The following MACROD2 variants were observed in gnomAD, a reference collection of about 807,000 sequenced individuals.
MACROD2 encodes mono-ADP ribosylhydrolase 2.
MACROD2 carries 36 observed loss-of-function variants against 70.4 expected under a neutral mutation model. That is an observed-to-expected ratio of 0.51 (90% CI 0.39 to 0.68). The LOEUF (loss-of-function observed/expected upper bound fraction) is 0.68. Among genes scored for constraint, MACROD2 ranks in the 30% least tolerant of loss-of-function variants. The pLI, the probability that MACROD2 is intolerant of heterozygous loss-of-function variation, is 0.00. For missense variants in MACROD2, 496 were observed against 538.4 expected (o/e 0.92, Z 0.78); for synonymous variants, 172 against 178.8 (o/e 0.96, Z 0.30).
chr20:14,553,308 T>A (rs1016264529), intron 4 of MACROD2, among the ~76,000 whole-genome samples: 1 of 151,916 alleles, frequency 6.6e-6, no homozygotes, highest in Non-Finnish European at 1.5e-5. Flanking sequence ...TGGAATGTCT[T>A]CAGGGCCAAT....
intron 3 of MACROD2, among the ~76,000 whole-genome samples, chr20:14,379,213 A>G (rs1860758392): frequency 6.6e-6 from 1 of 152,212 alleles, no homozygotes; most frequent in Admixed American, 6.5e-5. Context: ...TATAATTAGA[A>G]AGAGGTGGAG....
chr20:13,996,051 C>T (rs2052638840), intron 1 of MACROD2, among the ~76,000 whole-genome samples: 1 of 152,196 alleles, frequency 6.6e-6, no homozygotes, highest in African/African-American at 2.4e-5. Context: ...CTCTCTGTTG[C>T]CCTCGGCACC....
At chr20:14,452,028 G>A (rs2084251159) in intron 3 of MACROD2, among the ~76,000 whole-genome samples, 1 of 152,062 alleles carries the variant, frequency 6.6e-6, no homozygotes, top group African/African-American at 2.4e-5. Context: ...ACACTGCTGA[G>A]TCATGTTGAA....
intron 5 of MACROD2, chr20:14,888,614 A>T (rs1421206662): frequency 6.6e-6 from 1 of 152,150 alleles, no homozygotes; most frequent in Non-Finnish European, 1.5e-5. Context: ...TTAAGCACAC[A>T]TCCTGATTTG....
intron 5 of MACROD2, among the ~76,000 whole-genome samples, chr20:15,083,240 T>C (rs1249717006): frequency 6.6e-6 from 1 of 152,154 alleles, no homozygotes; most frequent in Non-Finnish European, 1.5e-5. Flanking sequence ...CCCAGCTTTG[T>C]GAATCTCTGG....
chr20:15,924,793 A>G (rs987299408), intron 10 of MACROD2, among the ~76,000 whole-genome samples: 10 of 152,344 alleles, frequency 6.6e-5, no homozygotes, highest in Non-Finnish European at 1.0e-4. Context: ...GCAAAAAAAA[A>G]GCAAAGAAAA....
intron 12 of MACROD2, among the ~76,000 whole-genome samples, chr20:15,964,940 G>A (rs943767447): frequency 1.3e-5 from 2 of 152,192 alleles, no homozygotes; most frequent in African/African-American, 4.8e-5. Flanking sequence ...ATACGTGACA[G>A]TGAACTTGTG....
chr20:14,539,117 C>T (rs919555803), intron 4 of MACROD2, among the ~76,000 whole-genome samples: 10 of 152,142 alleles, frequency 6.6e-5, no homozygotes, highest in Admixed American at 6.5e-4. Flanking sequence ...AATTTGGCAA[C>T]AGTAGAAATC....
intron 6 of MACROD2, among the ~76,000 whole-genome samples, chr20:15,369,848 C>T (rs1415735647): frequency 6.6e-6 from 1 of 152,016 alleles, no homozygotes; most frequent in Non-Finnish European, 1.5e-5. Flanking sequence ...GTCATTTCTA[C>T]AGGAATGAAA....
At chr20:14,399,954 T>A (rs911366123) in intron 3 of MACROD2, among the ~76,000 whole-genome samples, 3 of 152,244 alleles carry the variant, frequency 2.0e-5, no homozygotes, top group African/African-American at 7.2e-5. Flanking sequence ...ACATGCTTAA[T>A]CTTTCTTCTG....
intron 3 of MACROD2, among the ~76,000 whole-genome samples, chr20:14,095,954 T>C (rs1032002365): frequency 7.9e-5 from 12 of 152,236 alleles, no homozygotes; most frequent in African/African-American, 2.9e-4. Context: ...TTGCTCACTG[T>C]GCAGGAATAG....
intron 8 of MACROD2, among the ~76,000 whole-genome samples, chr20:15,701,470 A>G (rs1450367140): frequency 6.6e-6 from 1 of 152,214 alleles, no homozygotes; most frequent in Non-Finnish European, 1.5e-5. Context: ...TAAGGATAAC[A>G]TCTTCATTCA....
At chr20:14,765,727 T>C (rs2072079128) in intron 5 of MACROD2, among the ~76,000 whole-genome samples, 2 of 152,062 alleles carry the variant, frequency 1.3e-5, no homozygotes, top group Admixed American at 1.3e-4. Flanking sequence ...TAAATCAACA[T>C]ATGAAACAGG....
At chr20:15,175,039 G>A (rs2076449625) in intron 5 of MACROD2, among the ~76,000 whole-genome samples, 1 of 152,028 alleles carries the variant, frequency 6.6e-6, no homozygotes, top group Admixed American at 6.5e-5. Flanking sequence ...TTTGGCTTTT[G>A]TTGCCATTGC....
intron 5 of MACROD2, among the ~76,000 whole-genome samples, chr20:14,749,925 G>T (rs528331163): frequency 6.6e-6 from 1 of 152,076 alleles, no homozygotes. Flanking sequence ...TAGGAGGATG[G>T]AGAAAAGAAG....
chr20:15,681,176 TG>T (rs1471939209), intron 8 of MACROD2, among the ~76,000 whole-genome samples: 10 of 152,318 alleles, frequency 6.6e-5, no homozygotes, highest in Non-Finnish European at 2.9e-5. Context: ...CAAATTTACT[TG>T]GGTCTTGTAC....
intron 5 of MACROD2, among the ~76,000 whole-genome samples, chr20:15,122,300 C>A (rs2076036486): frequency 6.6e-6 from 1 of 152,130 alleles, no homozygotes; most frequent in African/African-American, 2.4e-5. Flanking sequence ...AAGGCACATT[C>A]CACCATTATT....
At chr20:16,015,300 G>A (rs1409249322) in intron 15 of MACROD2, among the ~76,000 whole-genome samples, 1 of 152,074 alleles carries the variant, frequency 6.6e-6, no homozygotes, top group Non-Finnish European at 1.5e-5. Flanking sequence ...GTAACATCCT[G>A]AGTAGTGTAA....
chr20:15,857,057 G>T (rs1371187203), intron 8 of MACROD2, among the ~76,000 whole-genome samples: 1 of 152,212 alleles, frequency 6.6e-6, no homozygotes, highest in East Asian at 1.9e-4. Flanking sequence ...ATCAGCTGGA[G>T]TTAAGTCAGA....
Sources: allele counts gnomAD v4.1 joint callset (sites outside exome capture counted in the v4.1 genomes callset), GRCh38; gene constraint gnomAD v4.1.1; transcripts MANE v1.5; gene names NCBI Gene and HGNC (gene_info 2026-07-23, HGNC 2026-07-21).